NBAS: variants seen among roughly 807,000 people sequenced by gnomAD.
NBAS encodes the protein NAG/BC035112 fusion.
NBAS carries 219 observed loss-of-function variants against 302.5 expected under a neutral mutation model. The observed-to-expected ratio is 0.72, with a 90% CI of 0.65 to 0.81. The LOEUF (loss-of-function observed/expected upper bound fraction) is 0.81. Among genes scored for constraint, NBAS ranks in the 30% least tolerant of loss-of-function variants. The pLI is 0.00. For synonymous variants in NBAS, 1,118 were observed against 1,021.6 expected (o/e 1.09, Z -1.80); for missense variants, 2,932 against 2,841.6 (o/e 1.03, Z -0.72).
At chr2:15,379,914 A>C in intron 29 of NBAS, 83 bp from the exon 30 acceptor site, 1 of 1,320,824 alleles carries the variant, frequency 7.6e-7, no homozygotes. Flanking sequence ...AATCCAAATG[A>C]AAGAAATTAA....
the NBAS span, among the ~76,000 whole-genome samples, chr2:15,133,712 A>T: frequency 1.3e-5 from 2 of 152,164 alleles, no homozygotes; most frequent in Non-Finnish European, 2.9e-5. Flanking sequence ...TGTGGCTAGT[A>T]GGTCCCCATT....
the NBAS span, among the ~76,000 whole-genome samples, chr2:14,957,213 T>G: frequency 1.3e-5 from 2 of 152,106 alleles, no homozygotes; most frequent in South Asian, 4.2e-4. Context: ...AAAAGAGAGC[T>G]ATTTGGGAGG....
chr2:15,239,429 T>C (rs1014946296), intron 44 of NBAS, among the ~76,000 whole-genome samples: 12 of 150,060 alleles, frequency 8.0e-5, no homozygotes, highest in African/African-American at 2.4e-4. Flanking sequence ...ATGTTGAGTA[T>C]TGCTTATCTG....
chr2:15,276,455 T>C (rs1669586176), intron 43 of NBAS, among the ~76,000 whole-genome samples: 1 of 152,246 alleles, frequency 6.6e-6, no homozygotes, highest in African/African-American at 2.4e-5. Flanking sequence ...TCTTAAGTGT[T>C]CCATGCATAT....
chr2:15,064,696 G>A, the NBAS span, among the ~76,000 whole-genome samples: 2 of 151,900 alleles, frequency 1.3e-5, no homozygotes, highest in Admixed American at 6.6e-5. Flanking sequence ...CAAAGAAGAG[G>A]GAACGCTTCC....
chr2:15,043,953 T>C, the NBAS span, among the ~76,000 whole-genome samples: 2 of 152,134 alleles, frequency 1.3e-5, no homozygotes, highest in African/African-American at 4.8e-5. Flanking sequence ...CTTAGTAACC[T>C]TTCTATTCCC....
chr2:15,269,472 G>A (rs1669222583), intron 44 of NBAS, among the ~76,000 whole-genome samples: 1 of 152,114 alleles, frequency 6.6e-6, no homozygotes, highest in Admixed American at 6.6e-5. Flanking sequence ...GCGAGACTGT[G>A]ACTTCAAGAA....
At chr2:15,059,864 G>A in the NBAS span, among the ~76,000 whole-genome samples, 78 of 150,926 alleles carry the variant, frequency 5.2e-4, 1 homozygote, top group African/African-American at 1.5e-3. Flanking sequence ...TTAGAGTCAG[G>A]TGACAGCAAA....
At chr2:15,001,590 A>G in the NBAS span, among the ~76,000 whole-genome samples, 1 of 152,214 alleles carries the variant, frequency 6.6e-6, no homozygotes, top group Admixed American at 6.5e-5. Context: ...TTATAATTTG[A>G]CATATCATAT....
At chr2:15,401,424 G>A (rs551610741) in intron 26 of NBAS, among the ~76,000 whole-genome samples, 1 of 152,228 alleles carries the variant, frequency 6.6e-6, no homozygotes, top group South Asian at 2.1e-4. Flanking sequence ...AAGAGAAAGA[G>A]AAAACAGAGA....
intron 21 of NBAS, among the ~76,000 whole-genome samples, chr2:15,440,099 C>T (rs1384031352): frequency 3.3e-5 from 5 of 152,252 alleles, no homozygotes; most frequent in Non-Finnish European, 7.3e-5. Flanking sequence ...AACTAAAAGA[C>T]AGCAGTAATC....
the NBAS span, among the ~76,000 whole-genome samples, chr2:14,945,850 G>A: frequency 6.6e-6 from 1 of 152,210 alleles, no homozygotes; most frequent in East Asian, 1.9e-4. Context: ...GGAGGCCAAG[G>A]TGGGCAGATC....
At chr2:14,911,476 G>A in the NBAS span, among the ~76,000 whole-genome samples, 1 of 152,248 alleles carries the variant, frequency 6.6e-6, no homozygotes, top group East Asian at 1.9e-4. Flanking sequence ...TCTGAGAGAG[G>A]GGCATGAGGC....
intron 35 of NBAS, among the ~76,000 whole-genome samples, chr2:15,333,042 A>C (rs1672423736): frequency 6.6e-6 from 1 of 152,232 alleles, no homozygotes; most frequent in Non-Finnish European, 1.5e-5. Context: ...ATAGAGAAAT[A>C]ATTACAAAAT....
At chr2:15,048,250 G>A in the NBAS span, among the ~76,000 whole-genome samples, 3 of 152,264 alleles carry the variant, frequency 2.0e-5, no homozygotes, top group African/African-American at 4.8e-5. Context: ...GGCAAAGCAG[G>A]CCCTGCGTGC....
intron 38 of NBAS, among the ~76,000 whole-genome samples, chr2:15,318,980 T>C (rs999682756): frequency 1.3e-5 from 2 of 152,138 alleles, no homozygotes; most frequent in East Asian, 3.9e-4. Flanking sequence ...TATTCTAAAA[T>C]TGACCACATA....
chr2:15,152,138 C>T, the NBAS span, among the ~76,000 whole-genome samples: 43 of 152,280 alleles, frequency 2.8e-4, no homozygotes, highest in Admixed American at 1.0e-3. Context: ...GCATGAGCCA[C>T]CACACCCAAG....
At chr2:15,546,875 A>C (rs759375346) in intron 6 of NBAS, among the ~76,000 whole-genome samples, 14 of 152,256 alleles carry the variant, frequency 9.2e-5, no homozygotes, top group Non-Finnish European at 1.8e-4. Flanking sequence ...AACCAGGAGA[A>C]GTTCAAGCTG....
intron 48 of NBAS, among the ~76,000 whole-genome samples, chr2:15,200,281 T>C (rs758505507): frequency 1.2e-4 from 19 of 152,190 alleles, no homozygotes; most frequent in Non-Finnish European, 2.2e-4. Context: ...AATATGTCTG[T>C]TTTGGGAAAA....
Sources: allele counts gnomAD v4.1 joint callset (sites outside exome capture counted in the v4.1 genomes callset), GRCh38; gene constraint gnomAD v4.1.1; transcripts MANE v1.5; gene names NCBI Gene and HGNC (gene_info 2026-07-23, HGNC 2026-07-21).